Variants in ZNF385B observed in about 807,000 individuals in gnomAD.
ZNF385B encodes zinc finger protein 385B, also known as zinc finger protein 533.
In ZNF385B, 23 loss-of-function variants were observed where a neutral mutation model predicts 39.2. The observed-to-expected ratio is 0.59, with a 90% CI of 0.42 to 0.83. ZNF385B has a LOEUF of 0.83. ZNF385B is among the 40% of genes least tolerant of loss of function. ZNF385B has a pLI of 0.00. For missense variants in ZNF385B, 552 were observed against 598.9 expected (o/e 0.92, Z 0.82); for synonymous variants, 205 against 222.6 (o/e 0.92, Z 0.70).
intron 3 of ZNF385B, among the ~76,000 whole-genome samples, chr2:179,764,834 G>T (rs1180118432): frequency 6.6e-6 from 1 of 152,206 alleles, no homozygotes; most frequent in Non-Finnish European, 1.5e-5. Flanking sequence ...GTCACTGGAT[G>T]TTCAGATATT....
chr2:179,836,686 T>C (rs1219836120), intron 1 of ZNF385B, among the ~76,000 whole-genome samples: 1 of 151,074 alleles, frequency 6.6e-6, no homozygotes, highest in South Asian at 2.1e-4. Flanking sequence ...GCCCGGCTAA[T>C]TTTTTGTATT....
intron 1 of ZNF385B, among the ~76,000 whole-genome samples, chr2:179,793,392 G>C (rs1039249391): frequency 6.6e-6 from 1 of 152,192 alleles, no homozygotes. Flanking sequence ...TTTTGTCCCT[G>C]CCCAAATCTA....
At chr2:179,539,692 C>T (rs1424343264) in intron 4 of ZNF385B, among the ~76,000 whole-genome samples, 1 of 151,988 alleles carries the variant, frequency 6.6e-6, no homozygotes, top group Admixed American at 6.5e-5. Flanking sequence ...TATATACAGT[C>T]ATTAAAGAAT....
chr2:179,508,353 T>C (rs1291477926), intron 5 of ZNF385B, among the ~76,000 whole-genome samples: 12 of 152,186 alleles, frequency 7.9e-5, no homozygotes, highest in Admixed American at 7.9e-4. Flanking sequence ...TGAAACATCT[T>C]ATTGTTAAGG....
chr2:179,843,398 T>A (rs1708642982), intron 1 of ZNF385B, among the ~76,000 whole-genome samples: 1 of 152,320 alleles, frequency 6.6e-6, no homozygotes, highest in South Asian at 2.1e-4. Context: ...CTTGAATAAG[T>A]TTAGATTCAT....
chr2:179,605,094 A>G (rs1688696932), intron 3 of ZNF385B, among the ~76,000 whole-genome samples: 1 of 152,102 alleles, frequency 6.6e-6, no homozygotes, highest in Admixed American at 6.5e-5. Context: ...CCTGAGAGAG[A>G]CATGTTTAAA....
At chr2:179,472,874 T>C (rs1267986469) in intron 6 of ZNF385B, among the ~76,000 whole-genome samples, 1 of 152,166 alleles carries the variant, frequency 6.6e-6, no homozygotes, top group African/African-American at 2.4e-5. Context: ...GTTAGATCGT[T>C]CTTTCAATAC....
intron 4 of ZNF385B, among the ~76,000 whole-genome samples, chr2:179,524,362 C>T (rs1003936602): frequency 1.3e-5 from 2 of 151,548 alleles, no homozygotes; most frequent in African/African-American, 4.8e-5. Context: ...ACAATCCTGG[C>T]TAACAAGGTA....
At position 179,598,184 on chromosome 2, in the gene ZNF385B, T is replaced by C. The variant is rs546099201; in HGVS notation, c.299-53215A>G. ...AAATTGTGACATGCTTTCAGAAAGA[T>C]ATTTTAAAAATACAGCCCAAACTAA... is the stretch of plus-strand genomic sequence containing the variant. On this transcript the variant is annotated intron_variant, in intron 3 of 9. Coordinates refer to ENST00000410066, the MANE Select transcript of ZNF385B (RefSeq NM_152520.6). 1.4e-4 allele frequency among the ~76,000 whole-genome samples: 22 copies of C among 152,290 alleles called. No homozygotes were observed. The South Asian group carries it at 4.6e-3, about 32-fold the overall frequency.
chr2:179,803,055 T>C (rs1706131173), intron 1 of ZNF385B, among the ~76,000 whole-genome samples: 4 of 152,162 alleles, frequency 2.6e-5, no homozygotes, highest in Admixed American at 2.0e-4. Context: ...AGAATACTGT[T>C]GTGAGGGAAA....
At chr2:179,859,866 T>G (rs1684901004) in intron 1 of ZNF385B, among the ~76,000 whole-genome samples, 1 of 152,194 alleles carries the variant, frequency 6.6e-6, no homozygotes, top group Admixed American at 6.5e-5. Context: ...AAAATAAGAT[T>G]AAAGGACTCT....
chr2:179,614,001 G>C (rs12987486), intron 3 of ZNF385B, among the ~76,000 whole-genome samples: 22,040 of 151,942 alleles, frequency 0.15, 1,872 homozygotes, highest in East Asian at 0.25. Context: ...GGGCAGCACT[G>C]AGTTCCAATG....
At chr2:179,578,763 G>A (rs559257208) in intron 3 of ZNF385B, among the ~76,000 whole-genome samples, 4 of 152,142 alleles carry the variant, frequency 2.6e-5, no homozygotes, top group African/African-American at 9.6e-5. Context: ...TGTTTGTTCA[G>A]CTGATCACGA....
intron 1 of ZNF385B, among the ~76,000 whole-genome samples, chr2:179,799,174 T>TTATATACAAC: frequency 6.6e-6 from 1 of 152,232 alleles, no homozygotes; most frequent in East Asian, 1.9e-4. Context: ...AATTACATAA[T>TTATATACAAC]TATATACAAC....
At chr2:179,831,213 T>C (rs922282897) in intron 1 of ZNF385B, among the ~76,000 whole-genome samples, 1 of 152,208 alleles carries the variant, frequency 6.6e-6, no homozygotes, top group African/African-American at 2.4e-5. Context: ...TGATAGATAA[T>C]AGTTACTATG....
At chr2:179,780,716 G>T (rs1158055603) in intron 1 of ZNF385B, among the ~76,000 whole-genome samples, 2 of 152,176 alleles carry the variant, frequency 1.3e-5, no homozygotes, top group East Asian at 3.9e-4. Flanking sequence ...CCTCCTGAAA[G>T]GTTTGCTGAC....
intron 6 of ZNF385B, among the ~76,000 whole-genome samples, chr2:179,476,189 T>C (rs2053432183): frequency 6.6e-6 from 1 of 151,918 alleles, no homozygotes; most frequent in South Asian, 2.1e-4. Context: ...GTAAGTAGAG[T>C]GTCATAAAAA....
chr2:179,823,310 G>A (rs1301585265), intron 1 of ZNF385B, among the ~76,000 whole-genome samples: 1 of 152,100 alleles, frequency 6.6e-6, no homozygotes, highest in East Asian at 1.9e-4. Context: ...TTTAGTTCTA[G>A]ATAAAAAGAT....
intron 1 of ZNF385B, among the ~76,000 whole-genome samples, chr2:179,781,794 C>A (rs903148110): frequency 6.6e-6 from 1 of 152,068 alleles, no homozygotes; most frequent in Admixed American, 6.6e-5. Flanking sequence ...ATTCCATGAA[C>A]AAACCAATAA....
Sources: allele counts gnomAD v4.1 joint callset (sites outside exome capture counted in the v4.1 genomes callset), GRCh38; gene constraint gnomAD v4.1.1; transcripts MANE v1.5; gene names NCBI Gene and HGNC (gene_info 2026-07-23, HGNC 2026-07-21).